The following FNDC7 variants were observed in gnomAD, a reference collection of about 807,000 sequenced individuals.
FNDC7 encodes the protein fibronectin type III domain-containing protein 7.
Under a neutral mutation model 74.2 loss-of-function variants are expected in FNDC7, and 66 were observed. That is an observed-to-expected ratio of 0.89 (90% confidence interval 0.73 to 1.09). The LOEUF is 1.09. Ranked by LOEUF, FNDC7 falls within the 50% of genes least tolerant of loss-of-function variation. FNDC7 has a pLI of 0.00. For synonymous variants in FNDC7, 307 were observed against 330.2 expected (o/e 0.93, Z 0.76); for missense variants, 829 against 893.4 (o/e 0.93, Z 0.92).
chr1:108,722,666 G>A, intron 5 of FNDC7, 74 bp downstream of exon 5: 1 of 1,452,606 alleles, frequency 6.9e-7, no homozygotes, highest in Non-Finnish European at 9.2e-7. Context: ...CACTGACAAT[G>A]TTTCTGAATA....
intron 6 of FNDC7, among the ~76,000 whole-genome samples, chr1:108,727,360 C>T (rs1312773822): frequency 6.6e-6 from 1 of 151,908 alleles, no homozygotes; most frequent in Non-Finnish European, 1.5e-5. Flanking sequence ...AACAAAAAAA[C>T]TACTTATATA....
intron 6 of FNDC7, among the ~76,000 whole-genome samples, chr1:108,727,534 C>T (rs936455503): frequency 1.3e-5 from 2 of 151,942 alleles, no homozygotes; most frequent in Non-Finnish European, 2.9e-5. Flanking sequence ...GCGCACGTGG[C>T]GTGGGGGAAT....
rs890744537 is a variant in FNDC7 at position 108,739,075 on chromosome 1, C to A, written c.2170+1551C>A. 8.0e-5 allele frequency among the ~76,000 whole-genome samples: 12 copies of A among 150,766 alleles called. 1 individual carries two copies. The highest frequency in any genetic ancestry group is 7.9e-4 in the Admixed American group (12 of 15,140). On this transcript the variant is annotated intron_variant, in intron 11 of 12. Coordinates refer to ENST00000370017, the MANE Select transcript of FNDC7 (RefSeq NM_001144937.3). Reference sequence around the variant, plus strand: ...AGTGGTGTATGATATATTGGCCTTGCCTATGATTTTGTTCAAGGAAGGGTT... The same window carrying A: ...AGTGGTGTATGATATATTGGCCTTGACTATGATTTTGTTCAAGGAAGGGTT...
chr1:108,740,849 T>G (rs760394167), intron 11 of FNDC7, among the ~76,000 whole-genome samples: 8 of 152,262 alleles, frequency 5.3e-5, no homozygotes, highest in Non-Finnish European at 8.8e-5. Context: ...TGTTAATTCA[T>G]ATTCAGTTTA....
At chr1:108,739,386 T>C (rs1048705848) in intron 11 of FNDC7, among the ~76,000 whole-genome samples, 2 of 152,136 alleles carry the variant, frequency 1.3e-5, no homozygotes, top group Admixed American at 6.5e-5. Flanking sequence ...AGTTCCCCTG[T>C]AGTCCCAGCT....
chr1:108,733,627 A>G (rs1372772738), intron 10 of FNDC7, 95 bp downstream of exon 10: 1 of 1,130,824 alleles, frequency 8.8e-7, no homozygotes, highest in Non-Finnish European at 1.3e-6. Flanking sequence ...TATGAAGGGC[A>G]CAGAGGGTAT....
In FNDC7 at chr1:108,737,485, T is replaced by C; in HGVS notation, c.2141-10T>C. 1 of 1,580,098 alleles carries C rather than the reference T, an allele frequency of 6.3e-7. No homozygotes were observed. The highest frequency in any genetic ancestry group is 8.6e-7 in the Non-Finnish European group (1 of 1,163,834). ...AGATTTTATTTTAAATGCTTGTGTT[T>C]TTATTACAGTAACTTGCTCTGGAAG... On this transcript the variant is annotated splice_polypyrimidine_tract_variant and intron_variant, in intron 10 of 12. Coordinates refer to ENST00000370017, the MANE Select transcript of FNDC7 (RefSeq NM_001144937.3).
chr1:108,722,502 C>T lies in FNDC7; in HGVS notation c.766C>T (p.Leu256Phe). 1 of 1,614,232 alleles carries T rather than the reference C, an allele frequency of 6.2e-7. No individual in the cohort carries two copies. The highest frequency in any genetic ancestry group is 8.5e-7 in the Non-Finnish European group (1 of 1,180,036). ...TTTCAGTTCCTGCACCATCTCTTCCCTCCAGTGTGGAACTGAATACTTGAT... is the reference window on the plus strand; with the variant it reads ...TTTCAGTTCCTGCACCATCTCTTCCTTCCAGTGTGGAACTGAATACTTGAT... ...TTFSSCTISS[L>F]QCGTEYLISV... Residue 256 changes from leucine (L) to phenylalanine (F), a missense_variant, in exon 5 of 13, where the codon CTC (leucine) becomes TTC (phenylalanine). Leu to Phe is a conservative substitution (Grantham distance 22). Coordinates refer to ENST00000370017, the MANE Select transcript of FNDC7 (RefSeq NM_001144937.3).
At chr1:108,728,509 C>T (rs1024246577) in intron 7 of FNDC7, 123 bp from the exon 8 acceptor site, 75 of 1,124,372 alleles carry the variant, frequency 6.7e-5, no homozygotes, top group African/African-American at 4.3e-4. Flanking sequence ...GAATTTGGCC[C>T]GCATGCATGA....
At chr1:108,728,097 G>A (rs1661261033) in intron 7 of FNDC7, 32 bp downstream of exon 7, 1 of 1,599,284 alleles carries the variant, frequency 6.3e-7, no homozygotes, top group African/African-American at 1.3e-5. Flanking sequence ...ACTCACTGGT[G>A]TCTGAATGAT....
At chr1:108,733,770 C>G (rs1360848087) in intron 10 of FNDC7, among the ~76,000 whole-genome samples, 2 of 151,668 alleles carry the variant, frequency 1.3e-5, no homozygotes, top group Non-Finnish European at 1.5e-5. Flanking sequence ...CCTGCCTCAG[C>G]CTCCCAAGTA....
At chr1:108,729,842 G>A (rs963011651) in intron 8 of FNDC7, among the ~76,000 whole-genome samples, 7 of 152,188 alleles carry the variant, frequency 4.6e-5, no homozygotes, top group Non-Finnish European at 1.0e-4. Context: ...GAAGCCAGCA[G>A]TAAGATAGAG....
At chr1:108,723,144 A>T (rs989710717) in intron 5 of FNDC7, among the ~76,000 whole-genome samples, 1 of 152,234 alleles carries the variant, frequency 6.6e-6, no homozygotes, top group Non-Finnish European at 1.5e-5. Context: ...TAATGAAACT[A>T]ACACTTAATG....
At chr1:108,717,465 A>G (rs1003981553) in intron 2 of FNDC7, among the ~76,000 whole-genome samples, 1 of 152,232 alleles carries the variant, frequency 6.6e-6, no homozygotes, top group African/African-American at 2.4e-5. Flanking sequence ...CTCTCTTCCC[A>G]GAGTTCTTTC....
chr1:108,722,562 A>C lies in FNDC7; in HGVS notation c.826A>C (p.Lys276Gln), dbSNP rs200942285. 38 of 1,613,852 alleles carry C rather than the reference A, an allele frequency of 2.4e-5. No individual in the cohort carries two copies. Among genetic ancestry groups the C allele is most frequent in the Non-Finnish European group, 3.2e-5 (38 of 1,179,902 alleles). ...AGCAAGTAATGATGCTGGATCTAGC[A>C]AATCATCTTCAGCAATGACCCTGAA... is the stretch of plus-strand genomic sequence containing the variant. ...VLASNDAGSSKSSSAMTLKTV... is the reference protein window; with the variant it reads ...VLASNDAGSSQSSSAMTLKTV... The change falls in exon 5 of 13, where the codon AAA becomes CAA. Residue 276 changes from lysine (K) to glutamine (Q), a missense_variant. Transcript: ENST00000370017.
At position 108,741,983 on chromosome 1, in the gene FNDC7, A is replaced by G; in HGVS notation, c.*96A>G. The G allele has an allele frequency of 1.5e-6, 1 of 676,962 alleles. No homozygotes were observed. Among genetic ancestry groups the G allele is most frequent in the Non-Finnish European group, 2.5e-6 (1 of 402,338 alleles). The allele number at this position is 676,962 out of a possible 1,614,324, so 41.9% of individuals were successfully genotyped here. On this transcript the variant is annotated 3_prime_UTR_variant, in exon 13 of 13. Transcript: ENST00000370017. ...AAGATCTACTAGAATGTAGAATAAA[A>G]ATGCCTCTAGGATAGGAAAAGCTCC... is the stretch of plus-strand genomic sequence containing the variant.
rs374259524 is a variant in FNDC7 at position 108,712,922 on chromosome 1, A to G, written c.-12A>G. ...CTTTGTTTTGTGCCATGTGAGTACT[A>G]TGTCCAACAGGATGGCTGGTGGACG... On this transcript the variant is annotated 5_prime_UTR_variant, in exon 1 of 13. An upstream start codon of the reference 5' UTR is lost. Coordinates refer to ENST00000370017, the MANE Select transcript of FNDC7 (RefSeq NM_001144937.3). 5 of 1,551,404 alleles carry G rather than the reference A, an allele frequency of 3.2e-6. No individual in the cohort carries two copies. Among genetic ancestry groups the G allele is most frequent in the South Asian group, 2.4e-5 (2 of 84,060 alleles).
At chr1:108,736,353 G>A (rs894687926) in intron 10 of FNDC7, among the ~76,000 whole-genome samples, 1 of 151,910 alleles carries the variant, frequency 6.6e-6, no homozygotes, top group Non-Finnish European at 1.5e-5. Context: ...ATCATAAGCA[G>A]AGTTAGCCCT....
intron 11 of FNDC7, 108 bp from the exon 12 acceptor site, chr1:108,741,665 A>G (rs1661651139): frequency 8.8e-7 from 1 of 1,141,708 alleles, no homozygotes; most frequent in Admixed American, 1.9e-5. Context: ...CTGCAAAAAT[A>G]GCATTTCAAA....
Sources: gnomAD v4.1 joint callset for allele counts (sites outside exome capture counted in the v4.1 genomes callset) on GRCh38, gnomAD v4.1.1 for gene constraint, MANE v1.5 for transcripts, NCBI Gene and HGNC (gene_info 2026-07-23, HGNC 2026-07-21) for gene names.